SRPX2: variants seen among roughly 807,000 people sequenced by gnomAD.
SRPX2 encodes the protein sushi repeat containing protein X-linked 2.
Under a neutral mutation model 45.3 loss-of-function variants are expected in SRPX2, and 26 were observed. The ratio of observed to expected loss-of-function variants is 0.57; its 90% CI spans 0.42 to 0.80. The LOEUF (loss-of-function observed/expected upper bound fraction) is 0.80. SRPX2 is among the 30% of genes least tolerant of loss of function. The pLI is 0.00. For missense variants in SRPX2, 355 were observed against 399.8 expected (o/e 0.89, Z 0.95); for synonymous variants, 125 against 143.7 (o/e 0.87, Z 0.93).
At chrX:100,650,286 T>G (rs1330646947) in intron 2 of SRPX2, 1 of 126,981 alleles carries the variant, frequency 7.9e-6, no homozygotes, top group Non-Finnish European at 1.6e-5. Context: ...CAAAAAGGCC[T>G]GTGCCCTGTG....
chrX:100,666,874 C>T lies in SRPX2; in HGVS notation c.902C>T (p.Thr301Ile), dbSNP rs1361414034. 8.3e-7 allele frequency: 1 copy of T among 1,210,050 alleles called. No individual in the cohort carries two copies. Among genetic ancestry groups the T allele is most frequent in the Non-Finnish European group, 1.1e-6 (1 of 895,310 alleles). ...GATGGCGGTTATGATCGCCAGGGGA[C>T]ACCCTCCCGGGTCTGTCAGTCCAGC... ...HCDGGYDRQGTPSRVCQSSRQ... is the reference protein window; with the variant it reads ...HCDGGYDRQGIPSRVCQSSRQ... The change falls in exon 8 of 11, where the codon ACA (threonine) becomes ATA (isoleucine). Residue 301 changes from threonine (T) to isoleucine (I), a missense_variant. Coordinates refer to ENST00000373004, the MANE Select transcript of SRPX2 (RefSeq NM_014467.3).
intron 7 of SRPX2, among the ~76,000 whole-genome samples, chrX:100,666,215 A>T (rs985738825): frequency 8.9e-6 from 1 of 112,493 alleles, no homozygotes. Context: ...TACTTTAAAA[A>T]ATATATAGTT....
chrX:100,647,275 G>A (rs1569357468), intron 2 of SRPX2, among the ~76,000 whole-genome samples: 1 of 112,467 alleles, frequency 8.9e-6, no homozygotes, highest in Non-Finnish European at 1.9e-5. Flanking sequence ...AATATCCAGA[G>A]ATGAGTAAAT....
rs1462737180 is a variant in SRPX2 at position 100,675,728 on chromosome X, G to A, written c.*4741G>A. ...TTTAAAAGCTGTTTTTAAGTTAAGT[G>A]AACCTTATAAAGACATAAGAAAAAA... On this transcript the variant is annotated 3_prime_UTR_variant, in exon 11 of 11. Transcript: ENST00000373004. 13 of 213,379 alleles carry A rather than the reference G, an allele frequency of 6.1e-5. No homozygotes were observed. The highest frequency in any genetic ancestry group is 1.1e-4 in the Non-Finnish European group (13 of 118,933). 17.6% of individuals were successfully genotyped at this position (213,379 alleles called of 1,213,427 possible). A position where few individuals can be genotyped will look rare whatever the true frequency, so the allele number is the denominator to read the frequency against.
rs142362617 is a variant in SRPX2, at chrX:100,666,782, G to A, written c.810G>A (p.Pro270=). 2.6e-5 allele frequency: 32 copies of A among 1,210,660 alleles called. No individual in the cohort carries two copies. The highest frequency in any genetic ancestry group is 1.7e-4 in the African/African-American group (10 of 57,421). ...GACGCTGCCCAACTCTGAAACCTCC[G>A]CAGCACGGCTACCTCACCTGCACCT... ...QVRRCPTLKP[P]QHGYLTCTSA... is the part of the protein sequence containing the mutation. The change falls in exon 8 of 11, where the codon CCG becomes CCA. Residue 270 remains proline (P), a synonymous_variant. Transcript: ENST00000373004.
At chrX:100,662,146 T>C (rs754778366) in intron 3 of SRPX2, 30 bp from the exon 4 acceptor site, 4 of 1,200,628 alleles carry the variant, frequency 3.3e-6, no homozygotes, top group South Asian at 1.8e-5. Flanking sequence ...ATTACTATAC[T>C]TCTAGCTTGC....
rs753760662 is a variant in SRPX2, at chrX:100,662,290, G to A, written c.278G>A (p.Arg93Gln). The change falls in exon 4 of 11, where the codon CGG (arginine) becomes CAG (glutamine). Residue 93 changes from arginine (R) to glutamine (Q), a missense_variant. Physicochemically the swap from Arg to Gln is conservative, Grantham distance 43 (BLOSUM62 1). Coordinates refer to ENST00000373004, the MANE Select transcript of SRPX2 (RefSeq NM_014467.3). ...ACGCGTTGTGAGCTCTCCTGTGACC[G>A]GGGCTTTCGATTGATTGGAAGGAGG... ...LGTRCELSCD[R>Q]GFRLIGRRSV... The A allele has an allele frequency of 1.7e-6, 2 of 1,211,779 alleles. No individual in the cohort carries two copies.
intron 3 of SRPX2, among the ~76,000 whole-genome samples, chrX:100,661,933 G>GTTTTT (rs771852530): frequency 5.0e-5 from 3 of 59,709 alleles, no homozygotes; most frequent in Non-Finnish European, 9.2e-5. Flanking sequence ...TCGAGGTGGG[G>GTTTTT]TTTTTTTTTT....
chrX:100,668,346 A>G (rs1246823467), intron 9 of SRPX2, among the ~76,000 whole-genome samples: 3 of 17,497 alleles, frequency 1.7e-4, no homozygotes, highest in Admixed American at 6.0e-4. Context: ...AAAAAAAGAA[A>G]AAAAAAAAAA....
Position 100,665,576 on chromosome X carries a change from G to A in SRPX2, c.700G>A (p.Glu234Lys), listed in dbSNP as rs1036769690. ...RGPEPGSHFP[E>K]GEHVIRYTAY... Reference sequence around the variant, plus strand: ...CCCTGAGCCTGGCTCTCACTTTCCCGAAGGAGAGCATGTGATTCGTTACAC... The same window carrying A: ...CCCTGAGCCTGGCTCTCACTTTCCCAAAGGAGAGCATGTGATTCGTTACAC... Residue 234 changes from glutamate (E) to lysine (K), a missense_variant, in exon 7 of 11, where the codon GAA becomes AAA. By Grantham distance (56) the Glu-to-Lys change is moderately conservative. Transcript: ENST00000373004. 7 of 1,210,261 alleles carry A rather than the reference G, an allele frequency of 5.8e-6. No individual in the cohort carries two copies. In the Middle Eastern group the frequency reaches 6.9e-4, roughly 119 times the overall value.
rs1313642256 is a variant in SRPX2, at chrX:100,672,132, C to G, written c.*1145C>G. 1 of 112,655 alleles carries G rather than the reference C, an allele frequency of 8.9e-6. No homozygotes were observed. Among genetic ancestry groups the G allele is most frequent in the Non-Finnish European group, 1.9e-5 (1 of 53,326 alleles). The allele number at this position is 112,655 out of a possible 1,213,427, so 9.3% of individuals were successfully genotyped here. On this transcript the variant is annotated 3_prime_UTR_variant, in exon 11 of 11. Transcript: ENST00000373004. The stretch of plus-strand genomic sequence containing the variant: ...AGAGCAGGTGGGAGCTATAGCAGCA[C>G]AAAATCAAGCCTTACCAGGCCTAAA...
chrX:100,660,857 A>G (rs901891293), intron 3 of SRPX2: 2 of 111,022 alleles, frequency 1.8e-5, no homozygotes, highest in Admixed American at 9.6e-5. Context: ...AAAAAAAAGA[A>G]AAGAGAAGAA....
intron 2 of SRPX2, among the ~76,000 whole-genome samples, chrX:100,650,516 T>A (rs933135323): frequency 1.8e-5 from 2 of 111,592 alleles, no homozygotes; most frequent in Non-Finnish European, 3.8e-5. Context: ...GTTCAATTTT[T>A]TTCTTTTAGA....
chrX:100,656,538 T>C (rs2083169905), intron 3 of SRPX2, among the ~76,000 whole-genome samples: 1 of 111,991 alleles, frequency 8.9e-6, no homozygotes, highest in Non-Finnish European at 1.9e-5. Flanking sequence ...ATTAACTTTT[T>C]AGCACCCACA....
intron 3 of SRPX2, among the ~76,000 whole-genome samples, chrX:100,657,455 A>G (rs1364943022): frequency 1.1e-5 from 1 of 94,140 alleles, no homozygotes; most frequent in African/African-American, 4.0e-5. Context: ...GGTTCAAGCA[A>G]TCCTTCTGCC....
chrX:100,667,933 G>A (rs1182473884), intron 9 of SRPX2, among the ~76,000 whole-genome samples: 1 of 111,712 alleles, frequency 9.0e-6, no homozygotes, highest in Non-Finnish European at 1.9e-5. Context: ...GCTAGTAAGT[G>A]GTGGAGCTGG....
chrX:100,665,072 G>A, intron 5 of SRPX2, 122 bp downstream of exon 5: 1 of 1,055,713 alleles, frequency 9.5e-7, no homozygotes, highest in South Asian at 2.0e-5. Flanking sequence ...GGCACCCTGG[G>A]TATTTGCTAA....
Position 100,646,313 on chromosome X carries a change from C to T in SRPX2, c.-10C>T. ...ATCTTTTCTTGTCTCCATAATCCTC[C>T]CTTTCAAGGATGGCCAGTCAGCTAA... On this transcript the variant is annotated 5_prime_UTR_variant, in exon 2 of 11. Transcript: ENST00000373004. The T allele has an allele frequency of 8.3e-7, 1 of 1,208,059 alleles. No individual in the cohort carries two copies. The highest frequency in any genetic ancestry group is 1.1e-6 in the Non-Finnish European group (1 of 892,733).
chrX:100,646,540 G>T, intron 2 of SRPX2, 136 bp downstream of exon 2: 1 of 629,230 alleles, frequency 1.6e-6, no homozygotes, highest in African/African-American at 2.2e-5. Flanking sequence ...AATAAAGATG[G>T]TTAAACATGG....
Sources: gnomAD v4.1 joint callset for allele counts (sites outside exome capture counted in the v4.1 genomes callset) on GRCh38, gnomAD v4.1.1 for gene constraint, MANE v1.5 for transcripts, NCBI Gene and HGNC (gene_info 2026-07-23, HGNC 2026-07-21) for gene names.